The following APP variants were observed in gnomAD, a reference collection of about 807,000 sequenced individuals.
APP encodes amyloid beta precursor protein.
In APP, 31 loss-of-function variants were observed where a neutral mutation model predicts 101.4. The ratio of observed to expected loss-of-function variants is 0.31; its 90% CI spans 0.23 to 0.41. APP has a LOEUF of 0.41. Ranked by LOEUF, APP falls within the 10% of genes least tolerant of loss-of-function variation. The pLI is 1.00. For synonymous variants in APP, 366 were observed against 364.4 expected, an observed-to-expected ratio of 1.00 and a Z score of -0.05; for missense variants, 839 against 1,003.7, an observed-to-expected ratio of 0.84 and a Z score of 2.22.
intron 3 of APP, among the ~76,000 whole-genome samples, chr21:26,075,982 T>TA (rs2061491451): frequency 6.6e-6 from 1 of 152,116 alleles, no homozygotes; most frequent in Non-Finnish European, 1.5e-5. Flanking sequence ...CAATCTCCGC[T>TA]TCCCGGTTTC....
intron 1 of APP, among the ~76,000 whole-genome samples, chr21:26,129,472 A>G (rs890177669): frequency 6.6e-6 from 1 of 152,114 alleles, no homozygotes; most frequent in Non-Finnish European, 1.5e-5. Flanking sequence ...CCGTTTCAAA[A>G]AAAAAAAAAA....
chr21:26,040,495 G>A (rs546063124), intron 5 of APP, among the ~76,000 whole-genome samples: 30 of 151,932 alleles, frequency 2.0e-4, no homozygotes, highest in African/African-American at 5.8e-4. Flanking sequence ...CCAGCGACTC[G>A]GGAGGCTAAG....
At chr21:25,985,739 G>C (rs992086143) in intron 8 of APP, among the ~76,000 whole-genome samples, 3 of 152,094 alleles carry the variant, frequency 2.0e-5, no homozygotes, top group Non-Finnish European at 4.4e-5. Flanking sequence ...TTCTCTTCAA[G>C]TAAATCTTTG....
intron 16 of APP, among the ~76,000 whole-genome samples, chr21:25,895,207 C>T (rs1003668389): frequency 6.9e-6 from 1 of 145,944 alleles, no homozygotes; most frequent in Admixed American, 6.9e-5. Context: ...GAGTCTTGCT[C>T]TTGTTGCCCA....
At chr21:26,134,123 C>T (rs1293116729) in intron 1 of APP, among the ~76,000 whole-genome samples, 3 of 152,172 alleles carry the variant, frequency 2.0e-5, no homozygotes, top group African/African-American at 4.8e-5. Flanking sequence ...GTAGCTGGAA[C>T]CACAGGTGCA....
At chr21:26,067,287 T>C (rs1009140323) in intron 3 of APP, among the ~76,000 whole-genome samples, 1 of 152,238 alleles carries the variant, frequency 6.6e-6, no homozygotes, top group Admixed American at 6.5e-5. Context: ...AGACTAACTT[T>C]TTAATATCTG....
chr21:26,117,710 A>C (rs1477952181), intron 1 of APP, among the ~76,000 whole-genome samples: 1 of 152,198 alleles, frequency 6.6e-6, no homozygotes, highest in African/African-American at 2.4e-5. Flanking sequence ...GTGAGCAAAA[A>C]TAGAGAAGCT....
intron 3 of APP, among the ~76,000 whole-genome samples, chr21:26,084,800 T>G (rs964185950): frequency 5.9e-5 from 9 of 152,228 alleles, no homozygotes. Flanking sequence ...TTATTTTCTT[T>G]TATTTTGGCA....
chr21:26,071,910 C>T (rs746615967), intron 3 of APP, among the ~76,000 whole-genome samples: 3 of 152,238 alleles, frequency 2.0e-5, no homozygotes, highest in Non-Finnish European at 4.4e-5. Flanking sequence ...TCAGTTCCCT[C>T]TCTTGAGGGA....
At chr21:26,056,364 G>A (rs927332267) in intron 3 of APP, among the ~76,000 whole-genome samples, 1 of 152,114 alleles carries the variant, frequency 6.6e-6, no homozygotes, top group Non-Finnish European at 1.5e-5. Flanking sequence ...ATGAGGAGTT[G>A]GTAAACAAGC....
At chr21:25,985,410 C>G (rs1003457274) in intron 8 of APP, among the ~76,000 whole-genome samples, 2 of 152,158 alleles carry the variant, frequency 1.3e-5, no homozygotes, top group African/African-American at 2.4e-5. Flanking sequence ...AGGAATCACC[C>G]GATCTGCTGA....
intron 13 of APP, among the ~76,000 whole-genome samples, chr21:25,944,638 A>AT (rs1269860434): frequency 3.9e-5 from 6 of 152,212 alleles, no homozygotes. Flanking sequence ...AAAATTCGGG[A>AT]AACATATTTC....
intron 6 of APP, among the ~76,000 whole-genome samples, chr21:26,008,087 A>T (rs573796929): frequency 1.3e-5 from 2 of 152,322 alleles, no homozygotes; most frequent in East Asian, 3.9e-4. Context: ...TTGTCACGGA[A>T]GTAACTAGAA....
chr21:26,065,888 A>C (rs2046435726), intron 3 of APP, among the ~76,000 whole-genome samples: 1 of 152,214 alleles, frequency 6.6e-6, no homozygotes, highest in African/African-American at 2.4e-5. Context: ...TAGTTGTTAA[A>C]GCTTTCCAGA....
intron 1 of APP, among the ~76,000 whole-genome samples, chr21:26,136,139 A>AAAAGAAAAGAAAAG (rs1555882127): frequency 1.3e-5 from 1 of 74,824 alleles, no homozygotes; most frequent in East Asian, 3.6e-4. Flanking sequence ...TCAAAAAAGA[A>AAAAGAAAAGAAAAG]AAAAGAAAAG....
chr21:25,996,339 A>G (rs916817140), intron 8 of APP, among the ~76,000 whole-genome samples: 1 of 152,204 alleles, frequency 6.6e-6, no homozygotes, highest in South Asian at 2.1e-4. Flanking sequence ...CTTCATGTCT[A>G]AAGTTGAAAC....
At position 25,911,214 on chromosome 21, in the gene APP, C is replaced by CA. The variant is rs201407707; in HGVS notation, c.1909+526_1909+527insT. Among the ~76,000 whole-genome samples, 208 of 152,276 alleles carry CA rather than the reference C, an allele frequency of 1.4e-3. 1 individual carries two copies. The highest frequency in any genetic ancestry group is 9.2e-3 in the East Asian group (48 of 5,190). On this transcript the variant is annotated intron_variant, in intron 14 of 17. Transcript: ENST00000346798. ...ACAGTACATGCTCTTTATGTATCCACTTTTGTTATATAATGTACCATTTTA... is the reference window on the plus strand; with the variant it reads ...ACAGTACATGCTCTTTATGTATCCACATTTTGTTATATAATGTACCATTTTA...
At chr21:26,140,384 G>A in intron 1 of APP, 3 of 1,463,548 alleles carry the variant, frequency 2.0e-6, no homozygotes, top group Non-Finnish European at 2.7e-6. Flanking sequence ...GCAAGGCTGT[G>A]CTATTTAGGC....
At chr21:26,049,634 G>T (rs1601324327) in intron 5 of APP, among the ~76,000 whole-genome samples, 1 of 152,148 alleles carries the variant, frequency 6.6e-6, no homozygotes, top group South Asian at 2.1e-4. Flanking sequence ...ACTAAAGAAA[G>T]AAATTAATTT....
Sources: allele counts gnomAD v4.1 joint callset (sites outside exome capture counted in the v4.1 genomes callset), GRCh38; gene constraint gnomAD v4.1.1; transcripts MANE v1.5; gene names NCBI Gene and HGNC (gene_info 2026-07-23, HGNC 2026-07-21).